The following ACBD6 variants were observed in gnomAD, a reference collection of about 807,000 sequenced individuals.
ACBD6 encodes the protein acyl-CoA-binding domain-containing protein 6.
Under a neutral mutation model 37.2 loss-of-function variants are expected in ACBD6, and 28 were observed. The observed-to-expected ratio is 0.75, with a 90% CI of 0.56 to 1.03. The LOEUF (loss-of-function observed/expected upper bound fraction) is 1.03. Among genes scored for constraint, ACBD6 ranks in the 50% least tolerant of loss-of-function variants. The pLI, the probability that ACBD6 is intolerant of heterozygous loss-of-function variation, is 0.00. For missense variants in ACBD6, 340 were observed against 337.4 expected (o/e 1.01, Z -0.06); for synonymous variants, 113 against 126.8 (o/e 0.89, Z 0.73).
intron 1 of ACBD6, among the ~76,000 whole-genome samples, chr1:180,501,732 T>G (rs12121043): frequency 2.0e-5 from 3 of 151,880 alleles, no homozygotes. Context: ...ATGATATATC[T>G]TATTTTATCC....
intron 3 of ACBD6, among the ~76,000 whole-genome samples, chr1:180,446,455 G>T (rs1252682499): frequency 6.6e-6 from 1 of 152,058 alleles, no homozygotes; most frequent in African/African-American, 2.4e-5. Flanking sequence ...ACCCTTAAAA[G>T]AGGAACACTT....
intron 3 of ACBD6, among the ~76,000 whole-genome samples, chr1:180,444,745 C>T (rs750577451): frequency 6.6e-6 from 1 of 152,152 alleles, no homozygotes; most frequent in Non-Finnish European, 1.5e-5. Flanking sequence ...TGGCAGCGAA[C>T]AGGATAAAAT....
intron 5 of ACBD6, among the ~76,000 whole-genome samples, chr1:180,412,384 C>A (rs912519793): frequency 6.6e-6 from 1 of 152,148 alleles, no homozygotes; most frequent in Non-Finnish European, 1.5e-5. Flanking sequence ...TACAGATTAT[C>A]TATGATCATT....
At chr1:180,500,910 G>T (rs534083482) in intron 1 of ACBD6, among the ~76,000 whole-genome samples, 2 of 150,992 alleles carry the variant, frequency 1.3e-5, no homozygotes, top group African/African-American at 4.9e-5. Flanking sequence ...TTGCTTCTCT[G>T]CATTCTCTGT....
intron 6 of ACBD6, among the ~76,000 whole-genome samples, chr1:180,366,537 C>G (rs549561194): frequency 1.3e-5 from 2 of 152,108 alleles, no homozygotes; most frequent in Non-Finnish European, 2.9e-5. Context: ...TCCTATAATT[C>G]AGTTAGATGT....
chr1:180,337,901 G>T (rs9696236), intron 6 of ACBD6, among the ~76,000 whole-genome samples: 3 of 152,128 alleles, frequency 2.0e-5, no homozygotes, highest in South Asian at 4.1e-4. Flanking sequence ...CCATTCACAA[G>T]TGCTTCGAAG....
exon 14 of ACBD6, chr1:180,271,888 G>T: frequency 6.2e-7 from 1 of 1,613,692 alleles, no homozygotes. Context: ...AGGATGCAGG[G>T]CGGCACCGCT....
At chr1:180,457,594 A>G (rs986992538) in intron 3 of ACBD6, among the ~76,000 whole-genome samples, 1 of 152,168 alleles carries the variant, frequency 6.6e-6, no homozygotes, top group African/African-American at 2.4e-5. Context: ...TCTTACAATC[A>G]AAGGGCAGAG....
chr1:180,274,705 C>T, exon 10 of ACBD6: 1 of 1,150,280 alleles, frequency 8.7e-7, no homozygotes, highest in East Asian at 2.4e-5. Context: ...CAATGGAAGT[C>T]CTCCGCTGAT....
rs1558224549 is a variant in ACBD6, at chr1:180,271,805, CT to C, written c.*1419del. Reference sequence around the variant, plus strand: ...GCTTTGGGTTTGTGGTGGACGCCCCCTGAGTATGTCCCTTGTGCTTGTGTGG... The same window carrying C: ...GCTTTGGGTTTGTGGTGGACGCCCCCGAGTATGTCCCTTGTGCTTGTGTGG... On this transcript the variant is annotated 3_prime_UTR_variant, in exon 14 of 14. Transcript: ENST00000642319. 2.5e-6 allele frequency: 4 copies of C among 1,613,354 alleles called. No homozygotes were observed. The South Asian group carries it at 3.3e-5, about 13-fold the overall frequency.
exon 11 of ACBD6, chr1:180,273,989 T>G: frequency 1.6e-6 from 1 of 623,564 alleles, no homozygotes; most frequent in Non-Finnish European, 2.8e-6. Flanking sequence ...TGCAGGTGTT[T>G]CTTGTTTTTC....
intron 4 of ACBD6, 88 bp from the exon 5 acceptor site, chr1:180,413,559 G>T (rs1186758189): frequency 1.9e-6 from 2 of 1,035,672 alleles, no homozygotes; most frequent in Non-Finnish European, 2.9e-6. Context: ...TGCTGACATA[G>T]ATGTTAATGG....
At chr1:180,476,597 A>G (rs7541051) in intron 3 of ACBD6, among the ~76,000 whole-genome samples, 145,420 of 152,276 alleles carry the variant, frequency 0.95, 69,504 homozygotes, top group African/African-American at 0.99. Context: ...AGGCCAAGGC[A>G]GGCGGATCAC....
intron 6 of ACBD6, among the ~76,000 whole-genome samples, chr1:180,370,890 T>G (rs1050092715): frequency 1.3e-5 from 2 of 152,100 alleles, no homozygotes; most frequent in Non-Finnish European, 2.9e-5. Flanking sequence ...TGCAAACTTA[T>G]GGAAAACATG....
At chr1:180,449,367 T>C (rs997857006) in intron 3 of ACBD6, among the ~76,000 whole-genome samples, 61 of 152,118 alleles carry the variant, frequency 4.0e-4, no homozygotes, top group African/African-American at 1.3e-3. Context: ...GCAACCCATA[T>C]GGATACAAAA....
intron 3 of ACBD6, among the ~76,000 whole-genome samples, chr1:180,472,404 G>A (rs1167441029): frequency 6.6e-6 from 1 of 152,158 alleles, no homozygotes; most frequent in Non-Finnish European, 1.5e-5. Flanking sequence ...TACTTCATCA[G>A]GCATTCCTGG....
chr1:180,326,005 C>T (rs1651247948), intron 6 of ACBD6, among the ~76,000 whole-genome samples: 1 of 152,148 alleles, frequency 6.6e-6, no homozygotes, highest in Non-Finnish European at 1.5e-5. Flanking sequence ...TCGCCCAAGG[C>T]CCACTGCAAT....
Position 180,425,815 on chromosome 1 carries a change from G to A in ACBD6, c.467+4365C>T, listed in dbSNP as rs143904267. Among the ~76,000 whole-genome samples the A allele has an allele frequency of 5.8e-3, 877 of 152,120 alleles. 10 individuals carry two copies. The highest frequency in any genetic ancestry group is 0.02 in the African/African-American group (833 of 41,492). On this transcript the variant is annotated intron_variant, in intron 4 of 7. Coordinates refer to ENST00000367595, the MANE Select transcript of ACBD6 (RefSeq NM_032360.4). ...TTTAGAGTATAATTTATGCATGACA[G>A]GCTTTTATGCTACTTCCAAGTTAGT... is the stretch of plus-strand genomic sequence containing the variant.
intron 5 of ACBD6, among the ~76,000 whole-genome samples, chr1:180,406,734 C>T (rs943196056): frequency 6.6e-6 from 1 of 152,038 alleles, no homozygotes; most frequent in African/African-American, 2.4e-5. Flanking sequence ...GACTTTTAGT[C>T]ATAAAATTAG....
Sources: allele counts gnomAD v4.1 joint callset (sites outside exome capture counted in the v4.1 genomes callset), GRCh38; gene constraint gnomAD v4.1.1; transcripts MANE v1.5; gene names NCBI Gene and HGNC (gene_info 2026-07-23, HGNC 2026-07-21).